SORCS1: variants seen among roughly 807,000 people sequenced by gnomAD.
SORCS1 encodes sortilin related VPS10 domain containing receptor 1.
In SORCS1, 60 loss-of-function variants were observed where a neutral mutation model predicts 146.1. The ratio of observed to expected loss-of-function variants is 0.41; its 90% CI spans 0.33 to 0.51. The LOEUF is 0.51. Among genes scored for constraint, SORCS1 ranks in the 20% least tolerant of loss-of-function variants. The probability of loss-of-function intolerance (pLI) is 0.21; values close to 1 mark genes in which losing one functional copy is unlikely to be tolerated. For synonymous variants in SORCS1, 637 were observed against 584.0 expected (o/e 1.09, Z -1.31); for missense variants, 1,352 against 1,487.6 (o/e 0.91, Z 1.50).
chr10:106,875,023 T>C (rs1334428754), intron 2 of SORCS1, among the ~76,000 whole-genome samples: 2 of 152,182 alleles, frequency 1.3e-5, no homozygotes, highest in African/African-American at 4.8e-5. Flanking sequence ...GGATGAATTA[T>C]ATAGCGGTGA....
intron 17 of SORCS1, among the ~76,000 whole-genome samples, chr10:106,663,662 T>C (rs1850907828): frequency 1.3e-5 from 2 of 152,182 alleles, no homozygotes; most frequent in Admixed American, 6.5e-5. Context: ...TTCTTTTCCA[T>C]CTTTTCCAAG....
chr10:106,843,792 T>C (rs1337575034), intron 2 of SORCS1, among the ~76,000 whole-genome samples: 1 of 152,222 alleles, frequency 6.6e-6, no homozygotes, highest in Non-Finnish European at 1.5e-5. Flanking sequence ...TACATTTTCT[T>C]TATCCATTGA....
At chr10:107,059,131 C>A (rs72812918) in intron 1 of SORCS1, among the ~76,000 whole-genome samples, 1,582 of 152,128 alleles carry the variant, frequency 0.01, 15 homozygotes, top group South Asian at 0.028. Flanking sequence ...TAATCTAAAT[C>A]ATCTCTAACA....
At chr10:106,822,458 G>C (rs1285185086) in intron 3 of SORCS1, among the ~76,000 whole-genome samples, 2 of 152,146 alleles carry the variant, frequency 1.3e-5, no homozygotes, top group Non-Finnish European at 2.9e-5. Flanking sequence ...GTTTCAAAGA[G>C]AGCATTCTGC....
At chr10:106,612,432 T>C (rs1847069976) in intron 21 of SORCS1, among the ~76,000 whole-genome samples, 1 of 136,352 alleles carries the variant, frequency 7.3e-6, no homozygotes, top group African/African-American at 2.7e-5. Context: ...TACCATCCAG[T>C]TATATGAGGA....
intron 3 of SORCS1, among the ~76,000 whole-genome samples, chr10:106,805,278 C>A (rs4918256): frequency 0.42 from 63,939 of 151,872 alleles, 13,498 homozygotes; most frequent in Non-Finnish European, 0.44. Flanking sequence ...AAGGATCCTA[C>A]GAAACTAACC....
intron 1 of SORCS1, among the ~76,000 whole-genome samples, chr10:107,125,132 T>C (rs1966642766): frequency 6.6e-6 from 1 of 151,962 alleles, no homozygotes; most frequent in Non-Finnish European, 1.5e-5. Context: ...TTTATATTTT[T>C]ACTAAAGATG....
At chr10:107,082,516 C>G (rs1333721707) in intron 1 of SORCS1, among the ~76,000 whole-genome samples, 3 of 151,556 alleles carry the variant, frequency 2.0e-5, no homozygotes, top group Non-Finnish European at 4.4e-5. Flanking sequence ...CACGCTCTGT[C>G]GCACAAACTG....
intron 2 of SORCS1, among the ~76,000 whole-genome samples, chr10:106,830,603 A>G (rs1344985483): frequency 6.8e-6 from 1 of 146,860 alleles, no homozygotes; most frequent in East Asian, 2.0e-4. Flanking sequence ...AAAAAAATTT[A>G]AAGAATATAG....
At chr10:106,690,617 G>T (rs1379394964) in intron 9 of SORCS1, among the ~76,000 whole-genome samples, 1 of 152,190 alleles carries the variant, frequency 6.6e-6, no homozygotes, top group Non-Finnish European at 1.5e-5. Context: ...TGGCCTTCAG[G>T]TTTATCTTGA....
intron 2 of SORCS1, among the ~76,000 whole-genome samples, chr10:106,877,613 T>C (rs1950639866): frequency 6.6e-6 from 1 of 152,018 alleles, no homozygotes; most frequent in African/African-American, 2.4e-5. Context: ...ATAAAATAAA[T>C]ATTTGACCTA....
intron 1 of SORCS1, among the ~76,000 whole-genome samples, chr10:107,015,653 C>T (rs953114712): frequency 1.3e-5 from 2 of 152,134 alleles, no homozygotes; most frequent in Non-Finnish European, 1.5e-5. Flanking sequence ...AACACATGGC[C>T]TCCTGGCTCT....
At chr10:106,635,776 T>C (rs909544281) in intron 18 of SORCS1, among the ~76,000 whole-genome samples, 5 of 152,222 alleles carry the variant, frequency 3.3e-5, no homozygotes, top group African/African-American at 7.2e-5. Flanking sequence ...GAATTTGTTG[T>C]TATTTTTGTG....
At chr10:107,178,248 G>C in the SORCS1 span, among the ~76,000 whole-genome samples, 5 of 152,090 alleles carry the variant, frequency 3.3e-5, no homozygotes, top group Non-Finnish European at 7.4e-5. Flanking sequence ...TTACTCCTGT[G>C]TAGCTGTATA....
chr10:107,181,002 A>G, the SORCS1 span, among the ~76,000 whole-genome samples: 1 of 152,220 alleles, frequency 6.6e-6, no homozygotes, highest in Non-Finnish European at 1.5e-5. Flanking sequence ...AAAGATAGAA[A>G]AGGTACAGTA....
intron 1 of SORCS1, among the ~76,000 whole-genome samples, chr10:106,990,939 T>C (rs1016461823): frequency 1.3e-5 from 2 of 152,208 alleles, no homozygotes; most frequent in Non-Finnish European, 2.9e-5. Flanking sequence ...GATTTCACAG[T>C]TATAATGCAG....
At chr10:107,153,891 AT>A (rs1412311320) in intron 1 of SORCS1, among the ~76,000 whole-genome samples, 6 of 151,986 alleles carry the variant, frequency 3.9e-5, no homozygotes, top group Non-Finnish European at 7.3e-5. Context: ...ACTGGCAAAC[AT>A]TTTGAGTCAT....
intron 3 of SORCS1, among the ~76,000 whole-genome samples, chr10:106,798,382 G>C (rs1314064191): frequency 6.6e-6 from 1 of 152,110 alleles, no homozygotes; most frequent in Non-Finnish European, 1.5e-5. Context: ...TTGGTGTGCT[G>C]CACCTATTAA....
At chr10:106,757,683 G>A (rs1007844702) in intron 5 of SORCS1, among the ~76,000 whole-genome samples, 1 of 152,228 alleles carries the variant, frequency 6.6e-6, no homozygotes, top group African/African-American at 2.4e-5. Flanking sequence ...AGTTGGCACT[G>A]TGGTCAAAAG....
Sources: gnomAD v4.1 joint callset for allele counts (sites outside exome capture counted in the v4.1 genomes callset) on GRCh38, gnomAD v4.1.1 for gene constraint, MANE v1.5 for transcripts, NCBI Gene and HGNC (gene_info 2026-07-23, HGNC 2026-07-21) for gene names.